The following TAX1BP1 variants were observed in gnomAD, a reference collection of about 807,000 sequenced individuals.
TAX1BP1 encodes Tax1 binding protein 1.
A neutral mutation model predicts 97.7 loss-of-function variants in TAX1BP1; 62 were observed. That is an observed-to-expected ratio of 0.63 (90% confidence interval 0.52 to 0.78). The LOEUF (loss-of-function observed/expected upper bound fraction) is 0.78, where lower values mean the gene tolerates loss of function less well. Ranked by LOEUF, TAX1BP1 falls within the 30% of genes least tolerant of loss-of-function variation. The probability of loss-of-function intolerance (pLI) is 0.00; values close to 1 mark genes in which losing one functional copy is unlikely to be tolerated. For synonymous variants in TAX1BP1, 340 were observed against 304.2 expected (o/e 1.12, Z -1.23); for missense variants, 867 against 916.1 (o/e 0.95, Z 0.69).
intron 3 of TAX1BP1, among the ~76,000 whole-genome samples, chr7:27,762,995 A>G (rs1302944972): frequency 6.6e-6 from 1 of 152,192 alleles, no homozygotes; most frequent in Non-Finnish European, 1.5e-5. Context: ...ATGTTTTACA[A>G]GTTTCTGAAA....
rs187463889 is a variant in TAX1BP1 at position 27,785,261 on chromosome 7, T to C, written c.711T>C (p.Asp237=). The change falls in exon 6 of 17, where the codon GAT becomes GAC. Residue 237 remains aspartate, a synonymous_variant. Transcript: ENST00000396319. ...CCAAAGCCCATCAGCTTGAGGAAGATATTGTGTCAGTAACACATAAAGCAA... is the reference window on the plus strand; with the variant it reads ...CCAAAGCCCATCAGCTTGAGGAAGACATTGTGTCAGTAACACATAAAGCAA... ...ATSKAHQLEE[D]IVSVTHKAIE... is the part of the protein sequence containing the mutation. 1.2e-5 allele frequency: 20 copies of C among 1,613,428 alleles called. No individual in the cohort carries two copies. Among genetic ancestry groups the C allele is most frequent in the African/African-American group, 9.3e-5 (7 of 75,028 alleles).
In TAX1BP1 at chr7:27,748,588, G is replaced by A; in HGVS notation, c.64G>A (p.Val22Met). The stretch of plus-strand genomic sequence containing the variant: ...CTTTGCCCATGTCATCTTTCAAAAT[G>A]TGGCCAAGAGTTACCTTCCTAATGC... ...SNFAHVIFQNVAKSYLPNAHL... is the reference protein window; with the variant it reads ...SNFAHVIFQNMAKSYLPNAHL... The change falls in exon 2 of 17, where the codon GTG (valine) becomes ATG (methionine). Residue 22 changes from valine to methionine, a missense_variant. Physicochemically the swap from Val to Met is conservative, Grantham distance 21 (BLOSUM62 1). Around this residue, in one of 3 missense-constraint regions of TAX1BP1, gnomAD observed 822 missense variants for 851.4 expected, o/e 0.97. Coordinates refer to ENST00000396319, the MANE Select transcript of TAX1BP1 (RefSeq NM_006024.7). 6.2e-7 allele frequency: 1 copy of A among 1,604,594 alleles called. No individual in the cohort carries two copies. The highest frequency in any genetic ancestry group is 1.1e-5 in the South Asian group (1 of 89,078).
chr7:27,811,934 A>C (rs1199955788), intron 13 of TAX1BP1, among the ~76,000 whole-genome samples: 1 of 152,200 alleles, frequency 6.6e-6, no homozygotes, highest in Non-Finnish European at 1.5e-5. Flanking sequence ...ATATTTTGCT[A>C]TTACAAATAA....
At position 27,750,653 on chromosome 7, in the gene TAX1BP1, G is replaced by T. The variant is rs1304334278; in HGVS notation, c.162+1967G>T. ...TTCTGAAGGACAGTGGGAAGTCTTT[G>T]TATATGTATAGGTTGTTTGAAAAAG... On this transcript the variant is annotated intron_variant, in intron 2 of 16. Coordinates refer to ENST00000396319, the MANE Select transcript of TAX1BP1 (RefSeq NM_006024.7). Among the ~76,000 whole-genome samples, 4 of 152,298 alleles carry T rather than the reference G, an allele frequency of 2.6e-5. No individual in the cohort carries two copies. In the South Asian group the frequency reaches 6.2e-4, roughly 24 times the overall value.
intron 13 of TAX1BP1, among the ~76,000 whole-genome samples, chr7:27,804,778 G>A (rs1349908205): frequency 6.6e-6 from 1 of 152,164 alleles, no homozygotes; most frequent in African/African-American, 2.4e-5. Flanking sequence ...TTTTATCAGG[G>A]AATGCTCAAC....
intron 5 of TAX1BP1, among the ~76,000 whole-genome samples, chr7:27,780,048 T>C (rs889171925): frequency 1.3e-5 from 2 of 152,208 alleles, no homozygotes; most frequent in African/African-American, 4.8e-5. Context: ...GGCAGTGATA[T>C]GTAGTTACTA....
At chr7:27,804,567 A>G (rs997409219) in intron 13 of TAX1BP1, among the ~76,000 whole-genome samples, 3 of 152,228 alleles carry the variant, frequency 2.0e-5, no homozygotes. Flanking sequence ...GCCAGTTACA[A>G]GTGAGGTCCT....
At chr7:27,783,516 C>T (rs1272755008) in intron 5 of TAX1BP1, among the ~76,000 whole-genome samples, 5 of 152,172 alleles carry the variant, frequency 3.3e-5, no homozygotes, top group Admixed American at 6.5e-5. Context: ...AAGTCTAAGA[C>T]GCTTGTTGTA....
At chr7:27,813,928 A>ATACTT (rs1790658390) in intron 13 of TAX1BP1, among the ~76,000 whole-genome samples, 1 of 152,120 alleles carries the variant, frequency 6.6e-6, no homozygotes, top group Non-Finnish European at 1.5e-5. Flanking sequence ...TAGAAGACAA[A>ATACTT]TACTTAATGG....
intron 5 of TAX1BP1, among the ~76,000 whole-genome samples, chr7:27,774,785 T>C (rs1379848484): frequency 6.6e-6 from 1 of 152,136 alleles, no homozygotes; most frequent in Non-Finnish European, 1.5e-5. Flanking sequence ...TTTTGTACTT[T>C]ATCATTTTAT....
At chr7:27,774,666 A>G (rs1375243781) in intron 5 of TAX1BP1, among the ~76,000 whole-genome samples, 2 of 152,068 alleles carry the variant, frequency 1.3e-5, no homozygotes, top group Non-Finnish European at 2.9e-5. Flanking sequence ...TCATTCTTGG[A>G]CAGTCCTGGT....
Position 27,793,068 on chromosome 7 carries a change from C to T in TAX1BP1, c.1266C>T (p.Asp422=). ...LKLNAMKKDQ[D]KTDTLEHELR... is the part of the protein sequence containing the mutation. ...TTCAAATGTTTGTTTCTTTCTAGGA[C>T]AAGACTGATACACTGGAACACGAAC... Residue 422 remains aspartate (D), a splice_region_variant and synonymous_variant, in exon 10 of 17, where the codon GAC becomes GAT. Coordinates refer to ENST00000396319, the MANE Select transcript of TAX1BP1 (RefSeq NM_006024.7). 3 of 1,590,422 alleles carry T rather than the reference C, an allele frequency of 1.9e-6. No individual in the cohort carries two copies. The highest frequency in any genetic ancestry group is 1.7e-6 in the Non-Finnish European group (2 of 1,174,254).
intron 5 of TAX1BP1, among the ~76,000 whole-genome samples, chr7:27,770,473 G>T (rs564060174): frequency 6.6e-6 from 1 of 152,162 alleles, no homozygotes. Flanking sequence ...AAAGCAGTTT[G>T]TTCTGAAACT....
At chr7:27,772,133 A>T (rs1788868707) in intron 5 of TAX1BP1, 1 of 148,580 alleles carries the variant, frequency 6.7e-6, no homozygotes, top group African/African-American at 2.5e-5. Context: ...CCTCTTTGTT[A>T]CTAGTCAATG....
At chr7:27,799,194 G>A (rs990365005) in intron 12 of TAX1BP1, among the ~76,000 whole-genome samples, 1 of 152,134 alleles carries the variant, frequency 6.6e-6, no homozygotes, top group East Asian at 1.9e-4. Flanking sequence ...AATATGGAAT[G>A]TATGGTATGG....
chr7:27,800,083 A>T lies in TAX1BP1; in HGVS notation c.1757A>T (p.Asn586Ile). 6.4e-7 allele frequency: 1 copy of T among 1,574,770 alleles called. No homozygotes were observed. The highest frequency in any genetic ancestry group is 8.6e-7 in the Non-Finnish European group (1 of 1,161,860). ...CTTGAACTAGCTGAAGTACAGGACAATTATAAAGTAAGTTTGGTACTCCTT... is the reference window on the plus strand; with the variant it reads ...CTTGAACTAGCTGAAGTACAGGACATTTATAAAGTAAGTTTGGTACTCCTT... ...VKLELAEVQDNYKELKRSLEN... is the reference protein window; with the variant it reads ...VKLELAEVQDIYKELKRSLEN... Residue 586 changes from asparagine (N) to isoleucine (I), a missense_variant, in exon 13 of 17, where the codon AAT becomes ATT. Transcript: ENST00000396319.
chr7:27,776,898 T>C (rs2128313994), intron 5 of TAX1BP1, among the ~76,000 whole-genome samples: 1 of 152,156 alleles, frequency 6.6e-6, no homozygotes, highest in South Asian at 2.1e-4. Flanking sequence ...TCACTAATCT[T>C]TTCTTTGCAA....
At chr7:27,806,530 T>G (rs1459044671) in intron 13 of TAX1BP1, among the ~76,000 whole-genome samples, 1 of 152,224 alleles carries the variant, frequency 6.6e-6, no homozygotes. Flanking sequence ...TGTCAGTGAT[T>G]TGAGATACTA....
intron 13 of TAX1BP1, among the ~76,000 whole-genome samples, chr7:27,805,255 A>C (rs1487843631): frequency 6.6e-6 from 1 of 152,218 alleles, no homozygotes; most frequent in Non-Finnish European, 1.5e-5. Flanking sequence ...CATCTCTATT[A>C]TGAGCAAGGT....
Sources: gnomAD v4.1 joint callset for allele counts (sites outside exome capture counted in the v4.1 genomes callset) on GRCh38, gnomAD v4.1.1 for gene constraint, gnomAD v4.1.1 regional missense constraint, MANE v1.5 for transcripts, NCBI Gene and HGNC (gene_info 2026-07-23, HGNC 2026-07-21) for gene names.